Variants in TCEA2 observed in about 807,000 individuals in gnomAD.
TCEA2 encodes transcription elongation factor A protein 2.
Under a neutral mutation model 40.8 loss-of-function variants are expected in TCEA2, and 21 were observed. The observed-to-expected ratio is 0.51, with a 90% CI of 0.36 to 0.74. The LOEUF is 0.74. Among genes scored for constraint, TCEA2 ranks in the 30% least tolerant of loss-of-function variants. The pLI, the probability that TCEA2 is intolerant of heterozygous loss-of-function variation, is 0.00. For missense variants in TCEA2, 326 were observed against 426.5 expected, an observed-to-expected ratio of 0.76 and a Z score of 2.08; for synonymous variants, 165 against 162.7, an observed-to-expected ratio of 1.01 and a Z score of -0.11.
intron 4 of TCEA2, among the ~76,000 whole-genome samples, chr20:64,069,103 G>C (rs1213591126): frequency 1.3e-5 from 2 of 152,244 alleles, no homozygotes; most frequent in Non-Finnish European, 2.9e-5. Flanking sequence ...CTGGGATCCT[G>C]TTCCCACCTG....
In TCEA2 at chr20:64,068,032, C is replaced by G. The variant is rs770197620; in HGVS notation, c.242-15C>G. The G allele has an allele frequency of 6.3e-7, 1 of 1,598,902 alleles. No individual in the cohort carries two copies. The highest frequency in any genetic ancestry group is 8.5e-7 in the Non-Finnish European group (1 of 1,172,624). Reference sequence around the variant, plus strand: ...TGCCTCCCCTTGATCAGCCCATCCCCGATCTTTCCTGCAGATGCTTCCGAT... The same window carrying G: ...TGCCTCCCCTTGATCAGCCCATCCCGGATCTTTCCTGCAGATGCTTCCGAT... On this transcript the variant is annotated splice_polypyrimidine_tract_variant and intron_variant, in intron 3 of 9. Coordinates refer to ENST00000343484, the MANE Select transcript of TCEA2 (RefSeq NM_003195.6).
intron 8 of TCEA2, among the ~76,000 whole-genome samples, chr20:64,071,272 C>A (rs908289903): frequency 6.6e-6 from 1 of 151,942 alleles, no homozygotes; most frequent in Non-Finnish European, 1.5e-5. Flanking sequence ...CACTTGAACC[C>A]GGGAGACAGA....
upstream of TCEA2, chr20:64,056,895 C>T (rs1255033550): frequency 6.6e-6 from 1 of 152,280 alleles, no homozygotes; most frequent in African/African-American, 2.4e-5. Context: ...ACATCTCCCC[C>T]TTAGAGCCCT....
chr20:64,068,943 C>G (rs79924353), intron 4 of TCEA2, among the ~76,000 whole-genome samples: 1 of 152,358 alleles, frequency 6.6e-6, no homozygotes, highest in East Asian at 1.9e-4. Context: ...AGCTGTGGGT[C>G]TCTCCCTCTC....
intron 8 of TCEA2, among the ~76,000 whole-genome samples, chr20:64,071,219 A>G (rs1455657453): frequency 6.6e-6 from 1 of 151,936 alleles, no homozygotes; most frequent in East Asian, 1.9e-4. Context: ...GTGGTGGCGC[A>G]TGCCTGTAAT....
chr20:64,072,038 C>T (rs2059851529), intron 9 of TCEA2, 97 bp downstream of exon 9: 2 of 1,595,968 alleles, frequency 1.3e-6, no homozygotes, highest in Non-Finnish European at 1.7e-6. Context: ...TGGGGATGGC[C>T]CTGCCCAACC....
At chr20:64,066,857 G>T in intron 2 of TCEA2, 58 bp from the exon 3 acceptor site, 1 of 1,540,116 alleles carries the variant, frequency 6.5e-7, no homozygotes, top group South Asian at 1.1e-5. Context: ...TCTGCCAGGA[G>T]AATCTGACCC....
At chr20:64,059,408 C>T (rs540928060), upstream of TCEA2, among the ~76,000 whole-genome samples, 73 of 152,148 alleles carry the variant, frequency 4.8e-4, no homozygotes, top group Non-Finnish European at 5.4e-4. Context: ...GCAGTGGGTT[C>T]TGTCCCTCCC....
upstream of TCEA2, among the ~76,000 whole-genome samples, chr20:64,061,488 T>G (rs1294044605): frequency 2.6e-5 from 4 of 151,954 alleles, no homozygotes; most frequent in East Asian, 1.9e-4. Flanking sequence ...TGTTAGCCAG[T>G]ATGGTCTCGA....
At chr20:64,068,191 C>T in intron 4 of TCEA2, 57 bp downstream of exon 4, 8 of 1,472,752 alleles carry the variant, frequency 5.4e-6, no homozygotes, top group Non-Finnish European at 7.5e-6. Context: ...GTTTCCTTGC[C>T]AGAGAAAGGG....
chr20:64,063,757 C>CG, intron 1 of TCEA2: 1 of 232,648 alleles, frequency 4.3e-6, no homozygotes, highest in Non-Finnish European at 8.5e-6. Context: ...TCCCGCCTCT[C>CG]GGAGCCCCCG....
chr20:64,068,000 C>G, intron 3 of TCEA2, 47 bp from the exon 4 acceptor site: 1 of 1,468,784 alleles, frequency 6.8e-7, no homozygotes, highest in East Asian at 2.4e-5. Context: ...TGTGCCCCTC[C>G]CTCCTCTGCC....
At chr20:64,056,616 C>T (rs541812433), upstream of TCEA2, among the ~76,000 whole-genome samples, 10 of 152,124 alleles carry the variant, frequency 6.6e-5, no homozygotes, top group African/African-American at 1.7e-4. Context: ...AGTTTGGCAG[C>T]GGGAGCCTTC....
chr20:64,064,938 G>C (rs2059652944), intron 1 of TCEA2, among the ~76,000 whole-genome samples: 2 of 141,580 alleles, frequency 1.4e-5, no homozygotes, highest in African/African-American at 2.6e-5. Context: ...GCAAAGATGG[G>C]TCATGGAGCC....
At position 64,066,520 on chromosome 20, in the gene TCEA2, C is replaced by G. The variant is rs11548126; in HGVS notation, c.117C>G (p.Ile39Met). 9 of 1,613,846 alleles carry G rather than the reference C, an allele frequency of 5.6e-6. No individual in the cohort carries two copies. The highest frequency in any genetic ancestry group is 6.8e-6 in the Non-Finnish European group (8 of 1,179,874). ...DLLRELKAMP[I>M]TLHLLQSTRV... Reference sequence around the variant, plus strand: ...TGCGGGAGCTGAAGGCCATGCCTATCACGCTGCACCTGCTCCAGGTAGGTC... The same window carrying G: ...TGCGGGAGCTGAAGGCCATGCCTATGACGCTGCACCTGCTCCAGGTAGGTC... Residue 39 changes from isoleucine (I) to methionine (M), a missense_variant, in exon 2 of 10, where the codon ATC becomes ATG. Coordinates refer to ENST00000343484, the MANE Select transcript of TCEA2 (RefSeq NM_003195.6).
At chr20:64,069,672 T>G (rs2059781426) in intron 5 of TCEA2, 93 bp from the exon 6 acceptor site, 1 of 1,548,020 alleles carries the variant, frequency 6.5e-7, no homozygotes, top group Non-Finnish European at 8.8e-7. Flanking sequence ...GGGACCCGGA[T>G]GTGCCCTCTA....
chr20:64,058,204 C>A (rs2059499530), upstream of TCEA2, among the ~76,000 whole-genome samples: 1 of 152,230 alleles, frequency 6.6e-6, no homozygotes, highest in Admixed American at 6.5e-5. This position sits in a 1 kb window ranked among gnomAD's most constrained non-coding sequence, Gnocchi z 6.7. Context: ...CCCGTCCGCT[C>A]CTTTCTCTCC....
At chr20:64,057,254 GAGCCACCCTTC>G (rs1450417979), upstream of TCEA2, 4 of 152,260 alleles carry the variant, frequency 2.6e-5, no homozygotes. Context: ...CCTCCGCTGT[GAGCCACCCTTC>G]AGGCTACGTG....
intron 4 of TCEA2, 131 bp from the exon 5 acceptor site, chr20:64,069,230 A>G: frequency 7.4e-7 from 1 of 1,354,524 alleles, no homozygotes; most frequent in East Asian, 2.5e-5. Context: ...CCACTGTTGG[A>G]CTCTGGCAGA....
Sources: gnomAD v4.1 joint callset for allele counts (sites outside exome capture counted in the v4.1 genomes callset) on GRCh38, gnomAD v4.1.1 for gene constraint, Gnocchi (gnomAD v3.1) non-coding constraint, MANE v1.5 for transcripts, NCBI Gene and HGNC (gene_info 2026-07-23, HGNC 2026-07-21) for gene names.